The following PHTF2 variants were observed in gnomAD, a reference collection of about 807,000 sequenced individuals.
The protein encoded by PHTF2 is protein PHTF2.
A neutral mutation model predicts 101.2 loss-of-function variants in PHTF2; 60 were observed. That is an observed-to-expected ratio of 0.59 (90% CI 0.48 to 0.73). PHTF2 has a LOEUF of 0.73. PHTF2 is among the 30% of genes least tolerant of loss of function. The pLI, the probability that PHTF2 is intolerant of heterozygous loss-of-function variation, is 0.00. For missense variants in PHTF2, 747 were observed against 908.7 expected, an observed-to-expected ratio of 0.82 and a Z score of 2.29; for synonymous variants, 311 against 307.3, an observed-to-expected ratio of 1.01 and a Z score of -0.13.
At chr7:77,876,907 A>T (rs1473025498) in intron 3 of PHTF2, among the ~76,000 whole-genome samples, 2 of 152,190 alleles carry the variant, frequency 1.3e-5, no homozygotes, top group African/African-American at 2.4e-5. Flanking sequence ...GATAACACTT[A>T]TCAAAAATTC....
intron 18 of PHTF2, among the ~76,000 whole-genome samples, chr7:77,952,111 T>C (rs1390006713): frequency 6.6e-6 from 1 of 152,120 alleles, no homozygotes; most frequent in Non-Finnish European, 1.5e-5. Flanking sequence ...ATAATTATCA[T>C]AATAAATATG....
intron 12 of PHTF2, among the ~76,000 whole-genome samples, chr7:77,930,947 A>G (rs555811462): frequency 2.6e-5 from 4 of 152,372 alleles, no homozygotes; most frequent in Non-Finnish European, 4.4e-5. Context: ...TTAATACTCA[A>G]GATAGTATAG....
chr7:77,950,390 G>A (rs2150995934), intron 17 of PHTF2, among the ~76,000 whole-genome samples: 1 of 152,278 alleles, frequency 6.6e-6, no homozygotes, highest in African/African-American at 2.4e-5. Flanking sequence ...GCCAGGCACG[G>A]TGGCTCATAC....
At chr7:77,835,031 T>C (rs1795342650) in intron 1 of PHTF2, among the ~76,000 whole-genome samples, 1 of 152,020 alleles carries the variant, frequency 6.6e-6, no homozygotes, top group Non-Finnish European at 1.5e-5. Flanking sequence ...CCAGCACTTT[T>C]GGAGGCCGAG....
At chr7:77,824,191 G>A (rs1011197896) in intron 1 of PHTF2, among the ~76,000 whole-genome samples, 5 of 151,950 alleles carry the variant, frequency 3.3e-5, no homozygotes, top group African/African-American at 9.7e-5. Flanking sequence ...AGATTCTAGG[G>A]TTCTTTGTTG....
At chr7:77,874,447 G>A (rs1176026659) in intron 3 of PHTF2, among the ~76,000 whole-genome samples, 1 of 152,048 alleles carries the variant, frequency 6.6e-6, no homozygotes, top group Non-Finnish European at 1.5e-5. Context: ...TGATTACAAG[G>A]TCTCACAATA....
intron 18 of PHTF2, among the ~76,000 whole-genome samples, chr7:77,952,326 T>A (rs1273798998): frequency 2.0e-5 from 3 of 152,158 alleles, no homozygotes; most frequent in African/African-American, 7.2e-5. Flanking sequence ...TTAGAGTTAT[T>A]TATGTTTTCA....
chr7:77,879,710 A>G (rs1259111404), intron 3 of PHTF2, among the ~76,000 whole-genome samples: 1 of 152,110 alleles, frequency 6.6e-6, no homozygotes, highest in East Asian at 1.9e-4. Flanking sequence ...TTTTTATACT[A>G]CTAAAATTTC....
intron 1 of PHTF2, among the ~76,000 whole-genome samples, chr7:77,817,554 T>TA (rs1451653749): frequency 5.9e-5 from 9 of 152,240 alleles, no homozygotes; most frequent in African/African-American, 2.2e-4. Context: ...TGTGAGAACT[T>TA]ACTATCACAA....
rs58290945 is a variant in PHTF2 at position 77,925,495 on chromosome 7, G to GTTTTTTTTTTTTTTTTTT, written c.1119+2731_1119+2748dup. Among the ~76,000 whole-genome samples, 47 of 73,160 alleles carry GTTTTTTTTTTTTTTTTTT rather than the reference G, an allele frequency of 6.4e-4. 2 individuals are homozygous for GTTTTTTTTTTTTTTTTTT. Among genetic ancestry groups the GTTTTTTTTTTTTTTTTTT allele is most frequent in the African/African-American group, 2.5e-3 (43 of 17,294 alleles). 48.0% of individuals were successfully genotyped at this position (73,160 alleles called of 152,430 possible). On this transcript the variant is annotated intron_variant, in intron 11 of 19. Transcript: ENST00000416283. ...GCAATTATAGGCAATAGTTTTTAGG[G>GTTTTTTTTTTTTTTTTTT]TTTTTTTTTTTTTTTTTTTTTTTTT...
chr7:77,806,240 G>A (rs888728621), intron 1 of PHTF2, among the ~76,000 whole-genome samples: 4 of 151,112 alleles, frequency 2.6e-5, no homozygotes, highest in East Asian at 3.8e-4. Flanking sequence ...TTGTCTACTC[G>A]TTTTATCAAT....
chr7:77,904,999 AT>A (rs915921335), intron 7 of PHTF2, among the ~76,000 whole-genome samples: 2 of 151,958 alleles, frequency 1.3e-5, no homozygotes, highest in Non-Finnish European at 2.9e-5. Context: ...ATTTTTTTTA[AT>A]TTTTTTAAAG....
chr7:77,821,762 C>T (rs1295353767), intron 1 of PHTF2, among the ~76,000 whole-genome samples: 1 of 152,158 alleles, frequency 6.6e-6, no homozygotes, highest in Non-Finnish European at 1.5e-5. Flanking sequence ...GGCTGCTTGG[C>T]TGGCTCAGGG....
rs1408919451 is a variant in PHTF2, at chr7:77,916,109, GTA to G, written c.777-4164_777-4163del. ...TTTTTGCTGAGGAATGGTGATTTCA[GTA>G]TATATGTTTATTTTAAAATCAAAAT... is the stretch of plus-strand genomic sequence containing the variant. On this transcript the variant is annotated intron_variant, in intron 9 of 19. Coordinates refer to ENST00000416283, the Ensembl canonical transcript of PHTF2. 7.2e-5 allele frequency among the ~76,000 whole-genome samples: 11 copies of G among 152,034 alleles called. No individual in the cohort carries two copies. The East Asian group carries it at 1.9e-3, about 27-fold the overall frequency.
intron 3 of PHTF2, among the ~76,000 whole-genome samples, chr7:77,868,322 ATTTTTTTTTTT>A (rs761861776): frequency 2.5e-5 from 2 of 78,524 alleles, no homozygotes; most frequent in Non-Finnish European, 2.3e-5. Flanking sequence ...TTAAAAAAAA[ATTTTTTTTTTT>A]TTTTTTTTTT....
At chr7:77,860,234 A>C (rs1797522306) in intron 3 of PHTF2, among the ~76,000 whole-genome samples, 1 of 152,214 alleles carries the variant, frequency 6.6e-6, no homozygotes, top group African/African-American at 2.4e-5. Context: ...TTTTGTTATA[A>C]AATTGGAGCA....
At position 77,808,979 on chromosome 7, in the gene PHTF2, A is replaced by T. The variant is rs770593868; in HGVS notation, c.-36+10008A>T. Among the ~76,000 whole-genome samples, 5 of 152,228 alleles carry T rather than the reference A, an allele frequency of 3.3e-5. No homozygotes were observed. The South Asian group carries it at 1.0e-3, about 32-fold the overall frequency. On this transcript the variant is annotated intron_variant, in intron 1 of 19. Coordinates refer to ENST00000416283, the Ensembl canonical transcript of PHTF2. Reference sequence around the variant, plus strand: ...TGTCTAGAAGTGGGAACTCTTGTATATTGAGTTTTGAAGTAATAATTTAAA... The same window carrying T: ...TGTCTAGAAGTGGGAACTCTTGTATTTTGAGTTTTGAAGTAATAATTTAAA...
At chr7:77,819,402 A>G (rs1794098164) in intron 1 of PHTF2, among the ~76,000 whole-genome samples, 1 of 152,126 alleles carries the variant, frequency 6.6e-6, no homozygotes, top group South Asian at 2.1e-4. Flanking sequence ...ATGTTGAGAT[A>G]TTTTCCTTCT....
chr7:77,948,952 C>G (rs1806307243), intron 16 of PHTF2, among the ~76,000 whole-genome samples: 1 of 152,148 alleles, frequency 6.6e-6, no homozygotes, highest in South Asian at 2.1e-4. Context: ...GAAAGTTTTG[C>G]ATGTGCGTAC....
Sources: gnomAD v4.1 joint callset for allele counts (sites outside exome capture counted in the v4.1 genomes callset) on GRCh38, gnomAD v4.1.1 for gene constraint, MANE v1.5 for transcripts, NCBI Gene and HGNC (gene_info 2026-07-23, HGNC 2026-07-21) for gene names.